Variants in FSD1 observed in about 807,000 individuals in gnomAD.
FSD1 encodes the protein fibronectin type III and SPRY domain containing 1, also known as fibronectin type III and SPRY domain-containing protein 1.
Under a neutral mutation model 58.2 loss-of-function variants are expected in FSD1, and 23 were observed. The observed-to-expected ratio is 0.40, with a 90% CI of 0.28 to 0.56. The LOEUF (loss-of-function observed/expected upper bound fraction) is 0.56, where lower values mean the gene tolerates loss of function less well. FSD1 is among the 20% of genes least tolerant of loss of function. The pLI is 0.54. For missense variants in FSD1, 563 were observed against 670.8 expected, an observed-to-expected ratio of 0.84 and a Z score of 1.78; for synonymous variants, 265 against 263.4, an observed-to-expected ratio of 1.01 and a Z score of -0.06.
intron 10 of FSD1, 88 bp from the exon 11 acceptor site, chr19:4,322,898 C>A: frequency 6.8e-7 from 1 of 1,464,504 alleles, no homozygotes; most frequent in South Asian, 1.3e-5. Flanking sequence ...GTGTAAGGAG[C>A]ACCTTGGGGG....
At chr19:4,312,914 A>G (rs964431525) in intron 7 of FSD1, among the ~76,000 whole-genome samples, 2 of 151,962 alleles carry the variant, frequency 1.3e-5, no homozygotes, top group African/African-American at 4.8e-5. Context: ...CCTGGCCTCA[A>G]GCAGTCCTGC....
intron 7 of FSD1, among the ~76,000 whole-genome samples, chr19:4,316,035 G>A (rs1257650546): frequency 6.6e-6 from 1 of 151,928 alleles, no homozygotes; most frequent in African/African-American, 2.4e-5. Flanking sequence ...CAGATGTGCT[G>A]GGATTACAGG....
chr19:4,312,359 C>T (rs946582521), intron 7 of FSD1, among the ~76,000 whole-genome samples: 8 of 151,824 alleles, frequency 5.3e-5, no homozygotes, highest in Admixed American at 2.0e-4. Context: ...GGCATGGTAT[C>T]GGGCACCTGT....
chr19:4,315,932 T>C (rs981382625), intron 7 of FSD1, among the ~76,000 whole-genome samples: 36 of 151,740 alleles, frequency 2.4e-4, no homozygotes, highest in African/African-American at 8.0e-4. Context: ...CCTAGCCAGT[T>C]TTTTGTATTT....
chr19:4,304,779 AGG>A lies in FSD1; in HGVS notation c.15+20_15+21del. 5.3e-6 allele frequency: 1 copy of A among 187,954 alleles called. No homozygotes were observed. The highest frequency in any genetic ancestry group is 2.9e-4 in the South Asian group (1 of 3,448). The allele number at this position is 187,954 out of a possible 1,614,324, so 11.6% of individuals were successfully genotyped here. On this transcript the variant is annotated intron_variant, in intron 1 of 12. Coordinates refer to ENST00000221856, the MANE Select transcript of FSD1 (RefSeq NM_024333.3). ...AACAGAGGGTAGGACGGGGTGGGGC[AGG>A]GCGGGCCCGCAGGGGCGTCGGGGGC...
At chr19:4,307,367 T>G (rs11668041) in intron 3 of FSD1, among the ~76,000 whole-genome samples, 2 of 151,396 alleles carry the variant, frequency 1.3e-5, no homozygotes, top group Admixed American at 6.6e-5. Flanking sequence ...ATGTGAGTTT[T>G]TTTTGTTTTG....
At chr19:4,311,302 A>G (rs1340823906) in intron 6 of FSD1, 1 of 158,240 alleles carries the variant, frequency 6.3e-6, no homozygotes, top group African/African-American at 2.4e-5. Flanking sequence ...CGCATCCCTC[A>G]TTGGCAGAGA....
At chr19:4,318,593 T>C in intron 9 of FSD1, 88 bp downstream of exon 9, 1 of 1,250,904 alleles carries the variant, frequency 8.0e-7, no homozygotes, top group Non-Finnish European at 1.1e-6. Flanking sequence ...AGAGTTGGGG[T>C]GGAGAGGGGA....
At chr19:4,312,930 C>T (rs974807631) in intron 7 of FSD1, among the ~76,000 whole-genome samples, 1 of 151,978 alleles carries the variant, frequency 6.6e-6, no homozygotes, top group African/African-American at 2.4e-5. Flanking sequence ...CCTGCCTCAG[C>T]CTCCCAAATA....
chr19:4,308,120 A>C (rs1314208530), intron 4 of FSD1, 137 bp downstream of exon 4: 5 of 664,718 alleles, frequency 7.5e-6, no homozygotes, highest in Non-Finnish European at 1.3e-5. Flanking sequence ...ATACCAAGAA[A>C]GTGTCCAGGC....
At chr19:4,316,479 C>T (rs1001287443) in intron 7 of FSD1, among the ~76,000 whole-genome samples, 6 of 151,994 alleles carry the variant, frequency 3.9e-5, no homozygotes, top group Non-Finnish European at 8.8e-5. Flanking sequence ...CTTCGGCCTC[C>T]CAAAGTGCTG....
At chr19:4,308,367 C>T (rs140367692) in intron 4 of FSD1, among the ~76,000 whole-genome samples, 6 of 152,090 alleles carry the variant, frequency 3.9e-5, no homozygotes, top group African/African-American at 1.4e-4. Flanking sequence ...GAGATTGTGT[C>T]ACTGCATTCC....
chr19:4,305,854 G>T, intron 1 of FSD1, 92 bp from the exon 2 acceptor site: 2 of 889,762 alleles, frequency 2.2e-6, no homozygotes, highest in South Asian at 2.7e-5. Flanking sequence ...GTGCATGTGT[G>T]TGCACGTGTG....
rs745655176 is a variant in FSD1 at position 4,311,923 on chromosome 19, A to C, written c.572A>C (p.Glu191Ala). 3.7e-6 allele frequency: 6 copies of C among 1,614,142 alleles called. No homozygotes were observed. Among genetic ancestry groups the C allele is most frequent in the Non-Finnish European group, 5.1e-6 (6 of 1,180,026 alleles). The change falls in exon 7 of 13, where the codon GAG becomes GCG. Residue 191 changes from glutamate to alanine, a missense_variant. Coordinates refer to ENST00000221856, the MANE Select transcript of FSD1 (RefSeq NM_024333.3). ...ACCCTGGTGTGGCGCATGCCGGATG[A>C]GGACAGCAAGATTGACCACTACGTG... ...CVTLVWRMPD[E>A]DSKIDHYVLE...
chr19:4,304,940 G>GC (rs887257779), intron 1 of FSD1, among the ~76,000 whole-genome samples, 179 bp downstream of exon 1: 10 of 123,866 alleles, frequency 8.1e-5, no homozygotes, highest in African/African-American at 1.6e-4. Flanking sequence ...TTGGGACGCA[G>GC]CCCCCCCACA....
chr19:4,317,327 C>T (rs1193328759), intron 8 of FSD1, 47 bp downstream of exon 8: 6 of 1,095,616 alleles, frequency 5.5e-6, no homozygotes, highest in Non-Finnish European at 7.0e-6. Context: ...ATGGCCCCTT[C>T]CTCCCACAGC....
chr19:4,321,234 G>A (rs975092493), intron 10 of FSD1, among the ~76,000 whole-genome samples: 6 of 151,010 alleles, frequency 4.0e-5, no homozygotes, highest in African/African-American at 7.3e-5. Flanking sequence ...GGAATAGCTG[G>A]GACTGAGGAG....
chr19:4,321,570 C>T (rs543804727), intron 10 of FSD1, among the ~76,000 whole-genome samples: 7 of 150,690 alleles, frequency 4.6e-5, no homozygotes, highest in East Asian at 3.9e-4. Flanking sequence ...GCTGGATCCC[C>T]GAGGAGTATC....
In FSD1 at chr19:4,305,930, A is replaced by G; in HGVS notation, c.16-16A>G. 2 of 1,604,076 alleles carry G rather than the reference A, an allele frequency of 1.2e-6. No individual in the cohort carries two copies. Among genetic ancestry groups the G allele is most frequent in the Non-Finnish European group, 1.7e-6 (2 of 1,170,904 alleles). ...TGTGTGTGCACCTGTGTGTGTCCAC[A>G]CTTCTGGTGGTGCAGGAGGCCCTGA... On this transcript the variant is annotated splice_polypyrimidine_tract_variant and intron_variant, in intron 1 of 12. Transcript: ENST00000221856.
Sources: gnomAD v4.1 joint callset for allele counts (sites outside exome capture counted in the v4.1 genomes callset) on GRCh38, gnomAD v4.1.1 for gene constraint, MANE v1.5 for transcripts, NCBI Gene and HGNC (gene_info 2026-07-23, HGNC 2026-07-21) for gene names.